CFAP92: variants seen among roughly 807,000 people sequenced by gnomAD.
The protein encoded by CFAP92 is cilia and flagella associated protein 92 (putative).
Under a neutral mutation model 106.3 loss-of-function variants are expected in CFAP92, and 86 were observed. The ratio of observed to expected loss-of-function variants is 0.81; its 90% CI spans 0.68 to 0.97. The LOEUF (loss-of-function observed/expected upper bound fraction) is 0.97, where lower values mean the gene tolerates loss of function less well. Among genes scored for constraint, CFAP92 ranks in the 50% least tolerant of loss-of-function variants. The probability of loss-of-function intolerance (pLI) is 0.00; values close to 1 mark genes in which losing one functional copy is unlikely to be tolerated. For missense variants in CFAP92, 1,204 were observed against 1,283.8 expected (o/e 0.94, Z 0.95); for synonymous variants, 477 against 506.4 (o/e 0.94, Z 0.78).
intron 2 of CFAP92, 86 bp downstream of exon 2, chr3:128,992,957 T>G (rs1944307910): frequency 2.0e-6 from 3 of 1,472,274 alleles, no homozygotes; most frequent in Non-Finnish European, 2.8e-6. Context: ...GGAGAGAGGA[T>G]GTGGGGTGTA....
chr3:128,934,703 G>T (rs1385101162), intron 11 of CFAP92, among the ~76,000 whole-genome samples: 1 of 152,010 alleles, frequency 6.6e-6, no homozygotes, highest in Non-Finnish European at 1.5e-5. Flanking sequence ...GCTAATTTTT[G>T]TATTTTTAGT....
Position 128,910,123 on chromosome 3 carries a change from A to G in CFAP92, c.*176T>C, listed in dbSNP as rs374356084. The G allele has an allele frequency of 4.2e-5, 67 of 1,614,022 alleles. No individual in the cohort carries two copies. In the African/African-American group the frequency reaches 7.9e-4, roughly 19 times the overall value. ...GTCGCGGGCCAGCCGCTCCATCCGC[A>G]TTGGGCTCCGCAACCACGACCACGA... On this transcript the variant is annotated 3_prime_UTR_variant, in exon 16 of 16. Coordinates refer to ENST00000645291, the MANE Select transcript of CFAP92 (RefSeq NM_001394090.1).
In CFAP92 at chr3:128,971,325, G is replaced by A. The variant is rs749924475; in HGVS notation, c.1130C>T (p.Ala377Val). ...PTLTGPRKQS[A>V]FSIQLAVMPL... ...CATGACGGCCAGCTGGATGGAGAAA[G>A]CGCTCTGCTTCCTGGGGCCTGTCAG... is the stretch of plus-strand genomic sequence containing the variant. Residue 377 changes from alanine to valine, a missense_variant, in exon 8 of 16, where the codon GCT (alanine) becomes GTT (valine). Coordinates refer to ENST00000645291, the MANE Select transcript of CFAP92 (RefSeq NM_001394090.1). 1 of 1,613,684 alleles carries A rather than the reference G, an allele frequency of 6.2e-7. No individual in the cohort carries two copies. The highest frequency in any genetic ancestry group is 8.5e-7 in the Non-Finnish European group (1 of 1,179,784).
chr3:128,986,784 C>A (rs1478200743), intron 4 of CFAP92, among the ~76,000 whole-genome samples: 1 of 152,178 alleles, frequency 6.6e-6, no homozygotes, highest in Non-Finnish European at 1.5e-5. Context: ...AAGATGGAGA[C>A]AGGACTGAAT....
At chr3:128,953,565 C>T (rs568511134) in intron 9 of CFAP92, among the ~76,000 whole-genome samples, 9 of 137,162 alleles carry the variant, frequency 6.6e-5, no homozygotes, top group South Asian at 2.7e-4. Context: ...AGCAGCAACA[C>T]GGTCTCCCTC....
In CFAP92 at chr3:128,945,400, C is replaced by T. The variant is rs1320645890; in HGVS notation, c.1929G>A (p.Arg643=). 3.3e-6 allele frequency: 5 copies of T among 1,535,988 alleles called. No homozygotes were observed. Among genetic ancestry groups the T allele is most frequent in the South Asian group, 1.2e-5 (1 of 84,070 alleles). ...KLRVDIAVPL[R]AGARAADPDL... is the part of the protein sequence containing the mutation. ...CAGGATCAGCAGCTCTGGCCCCGGC[C>T]CTCAGTGGCACCGCGATGTCCACTC... The change falls in exon 10 of 16, where the codon AGG becomes AGA. Residue 643 remains arginine (R), a synonymous_variant. Coordinates refer to ENST00000645291, the MANE Select transcript of CFAP92 (RefSeq NM_001394090.1).
rs1257441864 is a variant in CFAP92, at chr3:129,002,115, C to T, written n.117+459G>A. 5.4e-6 allele frequency: 8 copies of T among 1,482,298 alleles called. No homozygotes were observed. In the Admixed American group the frequency reaches 1.7e-4, roughly 32 times the overall value. 91.8% of individuals were successfully genotyped at this position (1,482,298 alleles called of 1,614,324 possible). On this transcript the variant is annotated intron_variant and non_coding_transcript_variant, in intron 1 of 4. Transcript: ENST00000510149. ...CACCCGTGCGGGGCCCCGGCTGCCC[C>T]GCGGCGCTCTCAGCGAGCACATCGA...
intron 2 of CFAP92, among the ~76,000 whole-genome samples, chr3:128,989,289 TAA>T (rs56776852): frequency 0.6 from 73,768 of 121,952 alleles, 20,725 homozygotes; most frequent in East Asian, 0.65. Context: ...AAGAAGCAGG[TAA>T]AAAAAAAAAA....
upstream of CFAP92, among the ~76,000 whole-genome samples, chr3:129,006,312 T>G (rs942442100): frequency 2.0e-5 from 3 of 152,144 alleles, no homozygotes; most frequent in Non-Finnish European, 2.9e-5. Flanking sequence ...TGGAGTTCTG[T>G]TTTTTGTTCG....
chr3:128,953,554 A>C (rs960266358), intron 9 of CFAP92, among the ~76,000 whole-genome samples: 5 of 136,504 alleles, frequency 3.7e-5, no homozygotes, highest in Non-Finnish European at 6.0e-5. Context: ...CTCGCTTAAG[A>C]AGCAGCAACA....
intron 12 of CFAP92, among the ~76,000 whole-genome samples, chr3:128,916,803 G>A (rs1390163760): frequency 6.6e-6 from 1 of 152,144 alleles, no homozygotes; most frequent in African/African-American, 2.4e-5. Context: ...GGAGATAAAA[G>A]ACAACACAGA....
intron 4 of CFAP92, among the ~76,000 whole-genome samples, chr3:128,981,750 T>C (rs1173364119): frequency 6.6e-6 from 1 of 152,234 alleles, no homozygotes; most frequent in Non-Finnish European, 1.5e-5. Context: ...AAATTACTCC[T>C]TGATCCACAG....
At chr3:129,025,732 AGAC>A in the CFAP92 span, among the ~76,000 whole-genome samples, 2 of 148,610 alleles carry the variant, frequency 1.3e-5, no homozygotes, top group Admixed American at 1.3e-4. Flanking sequence ...ACTGGTCACT[AGAC>A]AACAGTAGCA....
rs138679849 is a variant in CFAP92 at position 128,947,938 on chromosome 3, CAA to C, written c.1354-1965_1354-1964del. ...AAAATCCTTCTGACCAGGGGTTAGG[CAA>C]AGAGTTCTTAGATGTGACACAGAAA... is the stretch of plus-strand genomic sequence containing the variant. On this transcript the variant is annotated intron_variant, in intron 9 of 15. Coordinates refer to ENST00000645291, the MANE Select transcript of CFAP92 (RefSeq NM_001394090.1). 8.4e-4 allele frequency among the ~76,000 whole-genome samples: 128 copies of C among 151,850 alleles called. 1 individual carries two copies. The highest frequency in any genetic ancestry group is 3.0e-3 in the African/African-American group (124 of 41,394).
At chr3:128,933,861 C>T (rs943752323) in intron 11 of CFAP92, among the ~76,000 whole-genome samples, 1 of 152,174 alleles carries the variant, frequency 6.6e-6, no homozygotes, top group Non-Finnish European at 1.5e-5. Flanking sequence ...GCCTCTTAGC[C>T]CCGACCAAGT....
chr3:129,003,923 C>T, upstream of CFAP92: 4 of 1,368,682 alleles, frequency 2.9e-6, no homozygotes, highest in Middle Eastern at 2.7e-4. Context: ...GCGGCTGCGC[C>T]GTGGCCAGGC....
At chr3:129,024,561 A>C in the CFAP92 span, among the ~76,000 whole-genome samples, 1 of 152,088 alleles carries the variant, frequency 6.6e-6, no homozygotes, top group African/African-American at 2.4e-5. Context: ...AGAAAAAGAA[A>C]AACAGAAATT....
At chr3:128,915,865 G>A in intron 13 of CFAP92, 1 of 461,158 alleles carries the variant, frequency 2.2e-6, no homozygotes, top group South Asian at 5.8e-5. Context: ...GGATGCTACA[G>A]TTGTTCTCCT....
intron 4 of CFAP92, among the ~76,000 whole-genome samples, chr3:128,983,634 G>A (rs993914977): frequency 1.5e-4 from 23 of 152,088 alleles, no homozygotes; most frequent in Non-Finnish European, 1.9e-4. Context: ...GAAAGAAGTG[G>A]AAAAAAGGAG....
Sources: gnomAD v4.1 joint callset for allele counts (sites outside exome capture counted in the v4.1 genomes callset) on GRCh38, gnomAD v4.1.1 for gene constraint, MANE v1.5 for transcripts, NCBI Gene and HGNC (gene_info 2026-07-23, HGNC 2026-07-21) for gene names.